HTT: variants seen among roughly 807,000 people sequenced by gnomAD.
HTT encodes the protein huntington disease protein.
HTT carries 104 observed loss-of-function variants against 362.3 expected under a neutral mutation model. That is an observed-to-expected ratio of 0.29 (90% confidence interval 0.24 to 0.34). HTT has a LOEUF of 0.34. Among genes scored for constraint, HTT ranks in the 10% least tolerant of loss-of-function variants. The pLI, the probability that HTT is intolerant of heterozygous loss-of-function variation, is 1.00. For synonymous variants in HTT, 1,577 were observed against 1,548.7 expected (o/e 1.02, Z -0.43); for missense variants, 3,301 against 3,928.6 (o/e 0.84, Z 4.27).
intron 64 of HTT, among the ~76,000 whole-genome samples, chr4:3,238,216 CGAGCTAGACA>C (rs1388284240): frequency 6.6e-6 from 1 of 152,194 alleles, no homozygotes; most frequent in Non-Finnish European, 1.5e-5. Flanking sequence ...CCTGCCTCCA[CGAGCTAGACA>C]GAGGAAGGGC....
chr4:3,085,424 C>T (rs1037036584), intron 1 of HTT, among the ~76,000 whole-genome samples: 1 of 152,196 alleles, frequency 6.6e-6, no homozygotes, highest in Non-Finnish European at 1.5e-5. Context: ...GCGTGAGCCA[C>T]ACCTGGCCGT....
intron 18 of HTT, among the ~76,000 whole-genome samples, chr4:3,134,016 G>T (rs1011160173): frequency 6.6e-6 from 1 of 152,116 alleles, no homozygotes; most frequent in African/African-American, 2.4e-5. Flanking sequence ...GACATAGTGG[G>T]GTGGTCCTTG....
chr4:3,223,565 G>T lies in HTT; in HGVS notation c.7625+5G>T, dbSNP rs763403006. ...TCTGAAAGCTCTCGACACCAGGTTT[G>T]CTTGAGTTCCCACGTGTCTCTGGGA... is the stretch of plus-strand genomic sequence containing the variant. On this transcript the variant is annotated splice_donor_5th_base_variant and intron_variant, in intron 55 of 66. Transcript: ENST00000355072. 5 of 1,602,062 alleles carry T rather than the reference G, an allele frequency of 3.1e-6. No individual in the cohort carries two copies. Among genetic ancestry groups the T allele is most frequent in the Non-Finnish European group, 3.4e-6 (4 of 1,173,024 alleles).
intron 1 of HTT, among the ~76,000 whole-genome samples, chr4:3,081,292 G>A (rs1224822872): frequency 3.9e-5 from 6 of 152,186 alleles, no homozygotes; most frequent in East Asian, 1.9e-4. Flanking sequence ...TCACAGCTAC[G>A]CGGCTCTGCC....
intron 37 of HTT, among the ~76,000 whole-genome samples, chr4:3,185,956 G>A (rs1718739825): frequency 6.6e-6 from 1 of 151,958 alleles, no homozygotes; most frequent in Admixed American, 6.6e-5. Flanking sequence ...GAAATGGAAG[G>A]GAGGAAGGGG....
At chr4:3,103,719 T>G (rs1055326023) in intron 3 of HTT, 105 bp from the exon 4 acceptor site, 4 of 708,838 alleles carry the variant, frequency 5.6e-6, no homozygotes, top group Non-Finnish European at 1.0e-5. Context: ...TTAGTTGCTA[T>G]TATGTTTTGC....
chr4:3,182,357 T>C lies in HTT; in HGVS notation c.4753T>C (p.Leu1585=), dbSNP rs754034503. The change falls in exon 37 of 67, where the codon TTG becomes CTG. Residue 1585 remains leucine, a synonymous_variant. Coordinates refer to ENST00000355072, the MANE Select transcript of HTT (RefSeq NM_001388492.1). ...CTAATTGTGCACGCTCTTATAGGTGTTGGAGATGTTCATTCTTGTCCTGCA... is the reference window on the plus strand; with the variant it reads ...CTAATTGTGCACGCTCTTATAGGTGCTGGAGATGTTCATTCTTGTCCTGCA... ...LLRLIQYHQV[L]EMFILVLQQC... is the part of the protein sequence containing the mutation. The C allele has an allele frequency of 1.7e-5, 28 of 1,607,742 alleles. No individual in the cohort carries two copies. Among genetic ancestry groups the C allele is most frequent in the Non-Finnish European group, 2.2e-5 (26 of 1,174,318 alleles).
In HTT at chr4:3,174,116, G is replaced by A. The variant is rs78393218; in HGVS notation, c.4167-605G>A. Among the ~76,000 whole-genome samples, 380 of 152,162 alleles carry A rather than the reference G, an allele frequency of 2.5e-3. 1 individual carries two copies. Among genetic ancestry groups the A allele is most frequent in the African/African-American group, 8.9e-3 (369 of 41,476 alleles). On this transcript the variant is annotated intron_variant, in intron 31 of 66. Coordinates refer to ENST00000355072, the MANE Select transcript of HTT (RefSeq NM_001388492.1). ...TTGTTTTTCCTTTTATAAATTTAGC[G>A]ATTAAATAGCTACAATTAAAACACT...
chr4:3,233,154 T>C lies in HTT; in HGVS notation c.8266-9T>C. 1 of 1,573,340 alleles carries C rather than the reference T, an allele frequency of 6.4e-7. No homozygotes were observed. On this transcript the variant is annotated splice_polypyrimidine_tract_variant and intron_variant, in intron 60 of 66. Coordinates refer to ENST00000355072, the MANE Select transcript of HTT (RefSeq NM_001388492.1). Reference sequence around the variant, plus strand: ...TGGCATGCAGCAGCTTTTGTCTGTGTGTGCCTAGGACAAGGCCGTGGCGGA... The same window carrying C: ...TGGCATGCAGCAGCTTTTGTCTGTGCGTGCCTAGGACAAGGCCGTGGCGGA...
At chr4:3,100,079 A>G (rs1714077057) in intron 3 of HTT, among the ~76,000 whole-genome samples, 1 of 152,232 alleles carries the variant, frequency 6.6e-6, no homozygotes. Context: ...AAGGGAACCG[A>G]TGGTAGCCAC....
chr4:3,095,149 T>C (rs1009821510), intron 2 of HTT, among the ~76,000 whole-genome samples: 3 of 152,194 alleles, frequency 2.0e-5, no homozygotes, highest in African/African-American at 7.2e-5. Flanking sequence ...GGCCGCAATC[T>C]TGGCACTTTG....
At chr4:3,180,417 T>C (rs1312247847) in intron 35 of HTT, 98 bp from the exon 36 acceptor site, 9 of 1,118,182 alleles carry the variant, frequency 8.0e-6, no homozygotes, top group Non-Finnish European at 1.1e-5. Flanking sequence ...TGTAAGGGTT[T>C]TCTTTATTTC....
chr4:3,139,116 C>T (rs1449713560), intron 21 of HTT, among the ~76,000 whole-genome samples: 1 of 152,118 alleles, frequency 6.6e-6, no homozygotes, highest in African/African-American at 2.4e-5. Context: ...ACACTCCTTT[C>T]ATTTACTTAA....
At position 3,235,321 on chromosome 4, in the gene HTT, A is replaced by G. The variant is rs1191300430; in HGVS notation, c.8494A>G (p.Met2832Val). The G allele has an allele frequency of 2.2e-5, 35 of 1,613,894 alleles. No individual in the cohort carries two copies. The highest frequency in any genetic ancestry group is 2.8e-5 in the Non-Finnish European group (33 of 1,179,888). The change falls in exon 62 of 67, where the codon ATG becomes GTG. Residue 2832 changes from methionine to valine, a missense_variant. Physicochemically the swap from Met to Val is conservative, Grantham distance 21. This residue lies in a region of HTT where 753 missense variants were observed against 1,021.3 expected (regional missense o/e 0.74). Transcript: ENST00000355072. ...TCACAGCCAGCAGCACGTACTGGTC[A>G]TGTGTGCCACTGCGTTTTACCTCAT... Reference protein sequence around the residue: ...NIHSQQHVLVMCATAFYLIEN... With the variant: ...NIHSQQHVLVVCATAFYLIEN...
At chr4:3,121,512 T>C (rs1715295687) in intron 9 of HTT, 80 bp downstream of exon 9, 1 of 902,738 alleles carries the variant, frequency 1.1e-6, no homozygotes, top group Non-Finnish European at 1.7e-6. Context: ...GGGCCTGCCC[T>C]GTGCTAAGCA....
At chr4:3,104,825 G>T (rs563894223) in intron 4 of HTT, among the ~76,000 whole-genome samples, 1 of 152,236 alleles carries the variant, frequency 6.6e-6, no homozygotes, top group South Asian at 2.1e-4. Flanking sequence ...GATTAATTGA[G>T]CCTGGAAGGT....
intron 2 of HTT, among the ~76,000 whole-genome samples, chr4:3,087,906 A>G (rs568507319): frequency 5.0e-4 from 76 of 152,182 alleles, no homozygotes; most frequent in Non-Finnish European, 9.7e-4. Flanking sequence ...GCTGGAGTGC[A>G]ATGGCGTGAT....
chr4:3,200,329 G>A (rs1175243162), intron 41 of HTT, among the ~76,000 whole-genome samples: 13 of 152,160 alleles, frequency 8.5e-5, no homozygotes, highest in Admixed American at 7.9e-4. Flanking sequence ...GTTATCCTTA[G>A]ATAATGAAGT....
rs1040627453 is a variant in HTT at position 3,189,992 on chromosome 4, G to C, written c.5368+899G>C. On this transcript the variant is annotated intron_variant, in intron 40 of 66. Coordinates refer to ENST00000355072, the MANE Select transcript of HTT (RefSeq NM_001388492.1). ...GTTCATGCCACTGCACTCCAGCCTC[G>C]GCTATAGAGTAAGACCCTGCCTCAA... Among the ~76,000 whole-genome samples the C allele has an allele frequency of 2.6e-5, 4 of 152,048 alleles. No individual in the cohort carries two copies. The South Asian group carries it at 8.3e-4, about 32-fold the overall frequency.
Sources: allele counts gnomAD v4.1 joint callset (sites outside exome capture counted in the v4.1 genomes callset), GRCh38; gene constraint gnomAD v4.1.1; regional missense constraint gnomAD v4.1.1; transcripts MANE v1.5; gene names NCBI Gene and HGNC (gene_info 2026-07-23, HGNC 2026-07-21).